TANGO6: variants seen among roughly 807,000 people sequenced by gnomAD.
TANGO6 encodes transport and Golgi organization protein 6 homolog.
TANGO6 carries 90 observed loss-of-function variants against 114.2 expected under a neutral mutation model. That is an observed-to-expected ratio of 0.79 (90% CI 0.66 to 0.94). TANGO6 has a LOEUF of 0.94. TANGO6 is among the 40% of genes least tolerant of loss of function. The pLI, the probability that TANGO6 is intolerant of heterozygous loss-of-function variation, is 0.00. For missense variants in TANGO6, 1,274 were observed against 1,315.3 expected (o/e 0.97, Z 0.49); for synonymous variants, 477 against 509.8 (o/e 0.94, Z 0.87).
At chr16:68,896,870 T>C (rs966641069) in intron 7 of TANGO6, among the ~76,000 whole-genome samples, 2 of 152,176 alleles carry the variant, frequency 1.3e-5, no homozygotes, top group Admixed American at 1.3e-4. Flanking sequence ...ACTTGGTAGA[T>C]ACTAGTTGGT....
At chr16:69,058,040 TC>T (rs1332055285) in intron 17 of TANGO6, among the ~76,000 whole-genome samples, 2 of 152,156 alleles carry the variant, frequency 1.3e-5, no homozygotes, top group African/African-American at 4.8e-5. Flanking sequence ...GGACTTTTCC[TC>T]CTTGTCTACA....
At chr16:68,875,331 G>A (rs1962337512) in intron 5 of TANGO6, 41 bp downstream of exon 5, 4 of 1,592,450 alleles carry the variant, frequency 2.5e-6, no homozygotes, top group Non-Finnish European at 3.4e-6. Context: ...AGGATTATCT[G>A]CTTATTTACA....
At chr16:68,853,276 TAAA>T (rs76691613) in intron 1 of TANGO6, among the ~76,000 whole-genome samples, 2 of 107,076 alleles carry the variant, frequency 1.9e-5, no homozygotes, top group Admixed American at 1.1e-4. Flanking sequence ...AGACTCTGTC[TAAA>T]AAAAAAAAAA....
chr16:69,039,811 A>C (rs541717811), intron 16 of TANGO6, among the ~76,000 whole-genome samples: 1 of 152,304 alleles, frequency 6.6e-6, no homozygotes, highest in African/African-American at 2.4e-5. Flanking sequence ...ATATTTCTGT[A>C]ACTCTTTATT....
chr16:68,844,580 A>C (rs1019932977), intron 1 of TANGO6, among the ~76,000 whole-genome samples: 1 of 152,318 alleles, frequency 6.6e-6, no homozygotes. Flanking sequence ...ATCACCTCCC[A>C]GTCTCAGATT....
At chr16:68,907,257 T>G (rs970939252) in intron 9 of TANGO6, among the ~76,000 whole-genome samples, 186 bp from the exon 10 acceptor site, 1 of 152,136 alleles carries the variant, frequency 6.6e-6, no homozygotes, top group Non-Finnish European at 1.5e-5. Flanking sequence ...CATAACAGCC[T>G]AGTTTCTGAT....
intron 14 of TANGO6, among the ~76,000 whole-genome samples, chr16:68,934,609 C>T (rs1162231058): frequency 1.3e-5 from 2 of 152,016 alleles, no homozygotes; most frequent in Non-Finnish European, 2.9e-5. Flanking sequence ...GGCCACATGA[C>T]CATAAGTTGT....
chr16:68,904,147 C>T (rs1188543822), intron 9 of TANGO6, among the ~76,000 whole-genome samples: 1 of 152,064 alleles, frequency 6.6e-6, no homozygotes, highest in Non-Finnish European at 1.5e-5. Context: ...TGCTCTGTCG[C>T]TCAGACTGGA....
intron 15 of TANGO6, among the ~76,000 whole-genome samples, chr16:69,001,395 A>T (rs1409461067): frequency 6.6e-6 from 1 of 152,216 alleles, no homozygotes; most frequent in Non-Finnish European, 1.5e-5. Flanking sequence ...TTAAAAGATT[A>T]TTAGTCATGC....
intron 14 of TANGO6, among the ~76,000 whole-genome samples, chr16:68,943,228 T>A (rs1963373247): frequency 6.6e-6 from 1 of 150,942 alleles, no homozygotes; most frequent in South Asian, 2.1e-4. Context: ...CTTATTTTTA[T>A]TTTTTATTTC....
rs147796838 is a variant in TANGO6 at position 68,937,884 on chromosome 16, T to C, written c.2701+7589T>C. Among the ~76,000 whole-genome samples the C allele has an allele frequency of 5.1e-3, 778 of 152,316 alleles. 6 individuals are homozygous for C. Among genetic ancestry groups the C allele is most frequent in the African/African-American group, 0.017 (707 of 41,566 alleles). ...GTAGACTTGGCTATTATGAATAGTG[T>C]TGTTAGGAACATTTGTGTACAAGTT... On this transcript the variant is annotated intron_variant, in intron 14 of 17. Transcript: ENST00000261778.
Position 68,982,630 on chromosome 16 carries a change from C to CTTTTTTTTTT in TANGO6, c.2842+8475_2842+8484dup. On this transcript the variant is annotated intron_variant, in intron 15 of 17. Coordinates refer to ENST00000261778, the MANE Select transcript of TANGO6 (RefSeq NM_024562.2). ...CAGGCATGAGCCACCATGCCCTGGC[C>CTTTTTTTTTT]TTTTTTTTTTTTTTTTTTTTTTGTA... Among the ~76,000 whole-genome samples, 20 of 105,304 alleles carry CTTTTTTTTTT rather than the reference C, an allele frequency of 1.9e-4. 3 individuals carry two copies. The highest frequency in any genetic ancestry group is 3.3e-4 in the African/African-American group (7 of 21,172). The allele number at this position is 105,304 out of a possible 152,430, so 69.1% of individuals were successfully genotyped here.
At chr16:69,044,932 G>A (rs1221861085) in intron 17 of TANGO6, among the ~76,000 whole-genome samples, 1 of 152,010 alleles carries the variant, frequency 6.6e-6, no homozygotes, top group East Asian at 1.9e-4. Flanking sequence ...GGCCAAGGTG[G>A]GCAAATCACC....
chr16:69,054,645 T>G (rs1366919556), intron 17 of TANGO6, among the ~76,000 whole-genome samples: 2 of 152,090 alleles, frequency 1.3e-5, no homozygotes, highest in East Asian at 3.9e-4. Context: ...TCAAAACTTT[T>G]GTTGCTGGCC....
intron 17 of TANGO6, among the ~76,000 whole-genome samples, chr16:69,045,726 G>C (rs1487808080): frequency 6.6e-6 from 1 of 151,794 alleles, no homozygotes; most frequent in Non-Finnish European, 1.5e-5. Context: ...CTGGACAACA[G>C]AGCAAGACTC....
intron 16 of TANGO6, among the ~76,000 whole-genome samples, chr16:69,038,825 C>T (rs1959730933): frequency 6.6e-6 from 1 of 151,814 alleles, no homozygotes; most frequent in African/African-American, 2.4e-5. Flanking sequence ...GGCAGATCAC[C>T]TGAAGTCAGG....
Position 68,846,413 on chromosome 16 carries a change from C to A in TANGO6, c.94+2702C>A, listed in dbSNP as rs777602928. On this transcript the variant is annotated intron_variant, in intron 1 of 17. Coordinates refer to ENST00000261778, the MANE Select transcript of TANGO6 (RefSeq NM_024562.2). ...TTTGACTGAAGTACATGAAGAAAACCTAGACTCACATAGATATGTAACTGG... is the reference window on the plus strand; with the variant it reads ...TTTGACTGAAGTACATGAAGAAAACATAGACTCACATAGATATGTAACTGG... The A allele has an allele frequency of 2.5e-4, 62 of 245,488 alleles. 1 individual carries two copies. Among genetic ancestry groups the A allele is most frequent in the Non-Finnish European group, 4.5e-4 (54 of 120,972 alleles). The allele number at this position is 245,488 out of a possible 1,614,324, so 15.2% of individuals were successfully genotyped here.
intron 17 of TANGO6, among the ~76,000 whole-genome samples, chr16:69,082,095 T>A (rs1217559501): frequency 6.6e-6 from 1 of 152,230 alleles, no homozygotes; most frequent in East Asian, 1.9e-4. Flanking sequence ...GTGATTCTCC[T>A]GCCTCATCCT....
intron 13 of TANGO6, among the ~76,000 whole-genome samples, chr16:68,929,264 A>T (rs1963209898): frequency 6.6e-6 from 1 of 152,224 alleles, no homozygotes; most frequent in Admixed American, 6.5e-5. Context: ...TTCAATGAAC[A>T]TCTTGGAATT....
Sources: allele counts gnomAD v4.1 joint callset (sites outside exome capture counted in the v4.1 genomes callset), GRCh38; gene constraint gnomAD v4.1.1; transcripts MANE v1.5; gene names NCBI Gene and HGNC (gene_info 2026-07-23, HGNC 2026-07-21).